Variants in UACA observed in about 807,000 individuals in gnomAD.
UACA encodes uveal autoantigen with coiled-coil domains and ankyrin repeats.
A neutral mutation model predicts 160.5 loss-of-function variants in UACA; 112 were observed. The observed-to-expected ratio is 0.70, with a 90% CI of 0.60 to 0.82. UACA has a LOEUF of 0.82. UACA is among the 40% of genes least tolerant of loss of function. UACA has a pLI of 0.00. For synonymous variants in UACA, 557 were observed against 568.4 expected, an observed-to-expected ratio of 0.98 and a Z score of 0.29; for missense variants, 1,574 against 1,614.6, an observed-to-expected ratio of 0.97 and a Z score of 0.43.
chr15:70,684,433 G>A lies in UACA; in HGVS notation c.616C>T (p.Leu206=), dbSNP rs748057752. Residue 206 remains leucine, a synonymous_variant, in exon 8 of 19, where the codon CTA becomes TTA. Coordinates refer to ENST00000322954, the MANE Select transcript of UACA (RefSeq NM_018003.4). ...RDKQNRTALM[L]GCEYGCRDAV... ...TCTCTGCAACCATATTCGCAACCTA[G>A]CATGAGGGCAGTTCTAAATGGAAAA... 1 of 1,608,034 alleles carries A rather than the reference G, an allele frequency of 6.2e-7. No individual in the cohort carries two copies. Among genetic ancestry groups the A allele is most frequent in the South Asian group, 1.1e-5 (1 of 89,368 alleles).
intron 1 of UACA, among the ~76,000 whole-genome samples, chr15:70,757,789 T>G (rs2030517566): frequency 6.6e-6 from 1 of 152,208 alleles, no homozygotes; most frequent in South Asian, 2.1e-4. Flanking sequence ...GATCAAACTG[T>G]CCCATCTTTG....
intron 1 of UACA, among the ~76,000 whole-genome samples, chr15:70,742,878 AAAC>A (rs1396312894): frequency 6.6e-6 from 1 of 152,334 alleles, no homozygotes; most frequent in African/African-American, 2.4e-5. Context: ...AGAGGCTAAA[AAAC>A]AACATTTATT....
chr15:70,740,048 A>G (rs1899480879), intron 1 of UACA, among the ~76,000 whole-genome samples: 2 of 152,222 alleles, frequency 1.3e-5, no homozygotes, highest in Admixed American at 1.3e-4. Flanking sequence ...TACCTTAGAG[A>G]ACTTTTTTAA....
intron 1 of UACA, among the ~76,000 whole-genome samples, chr15:70,708,910 A>T (rs138512325): frequency 0.026 from 4,006 of 152,342 alleles, 78 homozygotes; most frequent in Middle Eastern, 0.034. Flanking sequence ...TCATTATAGT[A>T]AACTATTCTC....
chr15:70,753,769 C>T (rs1466109309), intron 1 of UACA, among the ~76,000 whole-genome samples: 1 of 152,212 alleles, frequency 6.6e-6, no homozygotes, highest in Non-Finnish European at 1.5e-5. Flanking sequence ...CTAATTGGGA[C>T]ATTTGTATGT....
In UACA at chr15:70,667,313, A is replaced by G. The variant is rs1274916743; in HGVS notation, c.3371T>C (p.Leu1124Pro). The part of the protein sequence containing the change: ...LEQVEALKKS[L>P]NGTIENLKEE... Reference sequence around the variant, plus strand: ...CTTTAGATTTTCAATTGTGCCATTAAGAGATTTTTTCAGAGCCTCAACCTG... The same window carrying G: ...CTTTAGATTTTCAATTGTGCCATTAGGAGATTTTTTCAGAGCCTCAACCTG... The change falls in exon 16 of 19, where the codon CTT becomes CCT. Residue 1124 changes from leucine (L) to proline (P), a missense_variant. Leu to Pro is a moderately conservative substitution (Grantham distance 98). Transcript: ENST00000322954. 2 of 1,611,340 alleles carry G rather than the reference A, an allele frequency of 1.2e-6. No homozygotes were observed. The highest frequency in any genetic ancestry group is 3.4e-5 in the Admixed American group (2 of 59,426).
At chr15:70,683,215 T>C (rs1180709820) in intron 8 of UACA, among the ~76,000 whole-genome samples, 1 of 151,896 alleles carries the variant, frequency 6.6e-6, no homozygotes, top group Non-Finnish European at 1.5e-5. Flanking sequence ...AAAAATTAGC[T>C]GGCCATGGTG....
chr15:70,655,605 G>A lies in UACA; in HGVS notation c.*1451C>T, dbSNP rs546899841. 4 of 152,156 alleles carry A rather than the reference G, an allele frequency of 2.6e-5. No homozygotes were observed. The highest frequency in any genetic ancestry group is 1.9e-4 in the East Asian group (1 of 5,184). 9.4% of individuals were successfully genotyped at this position (152,156 alleles called of 1,614,324 possible). On this transcript the variant is annotated 3_prime_UTR_variant, in exon 19 of 19. Transcript: ENST00000322954. Reference sequence around the variant, plus strand: ...TGAAACAGAACTCATGCTGAAGGACGACATTAATCATAATAATTAAAGAGA... The same window carrying A: ...TGAAACAGAACTCATGCTGAAGGACAACATTAATCATAATAATTAAAGAGA...
At chr15:70,710,110 T>A (rs931180574) in intron 1 of UACA, among the ~76,000 whole-genome samples, 1 of 151,714 alleles carries the variant, frequency 6.6e-6, no homozygotes, top group Admixed American at 6.6e-5. Flanking sequence ...TACAAAAAAA[T>A]TAGGTATGGT....
the UACA span, among the ~76,000 whole-genome samples, chr15:70,776,134 C>T: frequency 6.6e-6 from 1 of 151,894 alleles, no homozygotes; most frequent in African/African-American, 2.4e-5. Flanking sequence ...TCACCTCCAA[C>T]AAAAAAACTA....
At chr15:70,776,714 C>T in the UACA span, among the ~76,000 whole-genome samples, 1 of 152,172 alleles carries the variant, frequency 6.6e-6, no homozygotes, top group Non-Finnish European at 1.5e-5. Flanking sequence ...CAGGCGCGAG[C>T]CACCATACCT....
chr15:70,735,241 G>A (rs933371924), intron 1 of UACA, among the ~76,000 whole-genome samples: 2 of 148,714 alleles, frequency 1.3e-5, no homozygotes, highest in Non-Finnish European at 1.5e-5. Flanking sequence ...TGCATACTGC[G>A]TACTATGCTC....
intron 9 of UACA, among the ~76,000 whole-genome samples, chr15:70,680,970 C>T (rs562225393): frequency 7.9e-5 from 12 of 152,284 alleles, no homozygotes; most frequent in African/African-American, 2.2e-4. Context: ...GCTCCCTCCA[C>T]GATGGGCACA....
chr15:70,664,598 T>C (rs970107951), intron 17 of UACA, 64 bp downstream of exon 17: 4 of 1,527,148 alleles, frequency 2.6e-6, no homozygotes, highest in Non-Finnish European at 3.5e-6. Context: ...TAAATGAGCC[T>C]TACAAACTAA....
intron 1 of UACA, among the ~76,000 whole-genome samples, chr15:70,705,624 T>C (rs1898503403): frequency 6.6e-6 from 1 of 152,030 alleles, no homozygotes; most frequent in Non-Finnish European, 1.5e-5. Context: ...CAGAGAAATA[T>C]AATAAACTAT....
intron 4 of UACA, 132 bp from the exon 5 acceptor site, chr15:70,690,643 A>G: frequency 1.5e-6 from 1 of 646,588 alleles, no homozygotes; most frequent in Non-Finnish European, 2.7e-6. Context: ...CTATCCGACA[A>G]TCCATGAAAT....
chr15:70,755,391 CG>C (rs1159885647), intron 1 of UACA, among the ~76,000 whole-genome samples: 2 of 151,576 alleles, frequency 1.3e-5, no homozygotes, highest in Admixed American at 1.3e-4. Flanking sequence ...AGAATGAGGC[CG>C]GGGGCAGTGG....
intron 18 of UACA, 68 bp downstream of exon 18, chr15:70,660,083 T>C (rs556413748): frequency 1.5e-6 from 2 of 1,320,690 alleles, no homozygotes; most frequent in Non-Finnish European, 2.1e-6. Context: ...TTCACATAAA[T>C]TTATTTGAAA....
chr15:70,705,361 A>T lies in UACA; in HGVS notation c.79-5701T>A, dbSNP rs1595901253. On this transcript the variant is annotated intron_variant, in intron 1 of 18. Transcript: ENST00000322954. The stretch of plus-strand genomic sequence containing the variant: ...CTGACCAATGGGGTTTAGTAGAGAA[A>T]CCCCGTCTCTATTAAAAATACAAAA... 1.3e-5 allele frequency among the ~76,000 whole-genome samples: 2 copies of T among 151,758 alleles called. 1 individual carries two copies. The highest frequency in any genetic ancestry group is 4.2e-4 in the South Asian group (2 of 4,790).
Sources: gnomAD v4.1 joint callset for allele counts (sites outside exome capture counted in the v4.1 genomes callset) on GRCh38, gnomAD v4.1.1 for gene constraint, MANE v1.5 for transcripts, NCBI Gene and HGNC (gene_info 2026-07-23, HGNC 2026-07-21) for gene names.